ROBO1: variants seen among roughly 807,000 people sequenced by gnomAD.
The protein encoded by ROBO1 is roundabout guidance receptor 1.
Under a neutral mutation model 195.9 loss-of-function variants are expected in ROBO1, and 149 were observed. That is an observed-to-expected ratio of 0.76 (90% confidence interval 0.67 to 0.87). The LOEUF is 0.87. Among genes scored for constraint, ROBO1 ranks in the 40% least tolerant of loss-of-function variants. The probability of loss-of-function intolerance (pLI) is 0.00; values close to 1 mark genes in which losing one functional copy is unlikely to be tolerated. For synonymous variants in ROBO1, 816 were observed against 733.2 expected (o/e 1.11, Z -1.82); for missense variants, 1,933 against 2,068.3 (o/e 0.93, Z 1.27).
At chr3:79,619,873 G>A (rs959469171) in intron 1 of ROBO1, among the ~76,000 whole-genome samples, 1 of 152,076 alleles carries the variant, frequency 6.6e-6, no homozygotes, top group South Asian at 2.1e-4. Context: ...TTGGATTCCA[G>A]CCCTCAAACC....
At chr3:79,695,145 T>A (rs982604902) in intron 1 of ROBO1, among the ~76,000 whole-genome samples, 2 of 151,618 alleles carry the variant, frequency 1.3e-5, no homozygotes, top group Non-Finnish European at 3.0e-5. Context: ...TTCAAAGATA[T>A]CTGAAGAAAA....
chr3:79,226,209 A>G (rs1576840335), intron 2 of ROBO1, among the ~76,000 whole-genome samples: 1 of 152,182 alleles, frequency 6.6e-6, no homozygotes, highest in Non-Finnish European at 1.5e-5. Flanking sequence ...TTGTCTTTTT[A>G]TCACATCTGC....
intron 4 of ROBO1, among the ~76,000 whole-genome samples, chr3:78,778,756 G>GA (rs1291247863): frequency 4.6e-5 from 7 of 152,030 alleles, no homozygotes; most frequent in Non-Finnish European, 8.8e-5. Flanking sequence ...CACAGAATTA[G>GA]AAAAAACTAA....
chr3:79,455,117 C>T (rs1392254958), intron 2 of ROBO1, among the ~76,000 whole-genome samples: 1 of 151,620 alleles, frequency 6.6e-6, no homozygotes, highest in Non-Finnish European at 1.5e-5. Flanking sequence ...AGTTTCAATT[C>T]ACACCTTGTA....
chr3:79,537,488 A>G (rs1432314855), intron 2 of ROBO1, among the ~76,000 whole-genome samples: 4 of 152,140 alleles, frequency 2.6e-5, no homozygotes, highest in Non-Finnish European at 5.9e-5. Context: ...CCCATTGGCT[A>G]TGGGCAGCTC....
intron 28 of ROBO1, 169 bp from the exon 29 acceptor site, chr3:78,607,210 G>GTTTA (rs905234193): frequency 4.7e-5 from 30 of 639,090 alleles, no homozygotes; most frequent in African/African-American, 4.2e-4. Flanking sequence ...TAAAATTTAT[G>GTTTA]TTTATTTATT....
intron 2 of ROBO1, among the ~76,000 whole-genome samples, chr3:79,388,989 G>C (rs533442800): frequency 6.6e-6 from 1 of 151,950 alleles, no homozygotes; most frequent in South Asian, 2.1e-4. Context: ...ACTTCATAAA[G>C]GTCTAACAAT....
intron 2 of ROBO1, among the ~76,000 whole-genome samples, chr3:79,241,952 T>TC (rs1441765511): frequency 1.3e-5 from 2 of 151,346 alleles, no homozygotes; most frequent in Non-Finnish European, 2.9e-5. Flanking sequence ...TTTAAGCTTT[T>TC]TTTTTTTTCA....
At chr3:79,419,403 A>G (rs537823974) in intron 2 of ROBO1, among the ~76,000 whole-genome samples, 2 of 152,216 alleles carry the variant, frequency 1.3e-5, no homozygotes, top group East Asian at 1.9e-4. Flanking sequence ...GTGATGAGTC[A>G]GTTTTTTAAG....
At chr3:78,913,208 T>C (rs1232184992) in intron 4 of ROBO1, among the ~76,000 whole-genome samples, 2 of 152,166 alleles carry the variant, frequency 1.3e-5, no homozygotes. Context: ...TTTATATACT[T>C]GGCCAGCCTA....
intron 2 of ROBO1, among the ~76,000 whole-genome samples, chr3:79,528,389 A>G (rs910419984): frequency 6.6e-6 from 1 of 152,192 alleles, no homozygotes; most frequent in African/African-American, 2.4e-5. Context: ...ATGGAAATGT[A>G]TTAACTCATT....
intron 4 of ROBO1, among the ~76,000 whole-genome samples, chr3:78,932,754 G>C (rs2039599178): frequency 1.3e-5 from 2 of 152,238 alleles, no homozygotes; most frequent in East Asian, 1.9e-4. Context: ...AAAAAGACTA[G>C]ACGGATACAC....
At chr3:78,801,822 A>G (rs1325284980) in intron 4 of ROBO1, among the ~76,000 whole-genome samples, 1 of 152,166 alleles carries the variant, frequency 6.6e-6, no homozygotes, top group Non-Finnish European at 1.5e-5. Context: ...TTCTGAAAAC[A>G]TTTTGTGGGA....
At chr3:79,233,375 G>C (rs947484847) in intron 2 of ROBO1, among the ~76,000 whole-genome samples, 4 of 152,028 alleles carry the variant, frequency 2.6e-5, no homozygotes, top group Non-Finnish European at 5.9e-5. Context: ...GCTATATACA[G>C]TTAACCTATC....
rs55765244 is a variant in ROBO1, at chr3:79,701,967, T to C, written c.-51+65785A>G. ...ACTATACAAAGCAGATTATATAAAG[T>C]AGACTATATATCTAAACTTCGTCCT... On this transcript the variant is annotated intron_variant, in intron 1 of 30. Coordinates refer to ENST00000464233, the MANE Select transcript of ROBO1 (RefSeq NM_002941.4). Among the ~76,000 whole-genome samples, 1,329 of 151,904 alleles carry C rather than the reference T, an allele frequency of 8.7e-3. 14 individuals are homozygous for C. Among genetic ancestry groups the C allele is most frequent in the African/African-American group, 0.031 (1,278 of 41,506 alleles).
chr3:79,206,060 T>C (rs2081860180), intron 2 of ROBO1, among the ~76,000 whole-genome samples: 1 of 152,150 alleles, frequency 6.6e-6, no homozygotes, highest in African/African-American at 2.4e-5. Flanking sequence ...ATTCCAGAAA[T>C]AAACAATTCA....
chr3:79,336,306 AG>A (rs1262981309), intron 2 of ROBO1, among the ~76,000 whole-genome samples: 2 of 152,154 alleles, frequency 1.3e-5, no homozygotes, highest in African/African-American at 4.8e-5. Flanking sequence ...GAAGCCTAGG[AG>A]GGAAAAATGG....
chr3:79,151,580 C>T (rs2080772013), intron 2 of ROBO1, among the ~76,000 whole-genome samples: 1 of 151,650 alleles, frequency 6.6e-6, no homozygotes, highest in African/African-American at 2.4e-5. Flanking sequence ...TTCTATTTTG[C>T]TTTAAAATAG....
intron 2 of ROBO1, among the ~76,000 whole-genome samples, chr3:79,175,832 T>G (rs1016641600): frequency 6.6e-6 from 1 of 152,208 alleles, no homozygotes; most frequent in Non-Finnish European, 1.5e-5. Context: ...CCACTCTTAT[T>G]TGCCTTTCCA....
Sources: allele counts gnomAD v4.1 joint callset (sites outside exome capture counted in the v4.1 genomes callset), GRCh38; gene constraint gnomAD v4.1.1; transcripts MANE v1.5; gene names NCBI Gene and HGNC (gene_info 2026-07-23, HGNC 2026-07-21).